Variants in TJP1 observed in about 807,000 individuals in gnomAD.
TJP1 encodes the protein tight junction protein 1.
TJP1 carries 43 observed loss-of-function variants against 194.2 expected under a neutral mutation model. The observed-to-expected ratio is 0.22, with a 90% confidence interval of 0.17 to 0.29. The LOEUF (loss-of-function observed/expected upper bound fraction) is 0.29. TJP1 is among the 10% of genes least tolerant of loss of function. The probability of loss-of-function intolerance (pLI) is 1.00; values close to 1 mark genes in which losing one functional copy is unlikely to be tolerated. For missense variants in TJP1, 1,971 were observed against 2,185.7 expected (o/e 0.90, Z 1.96); for synonymous variants, 801 against 779.0 (o/e 1.03, Z -0.47).
chr15:29,758,308 T>C (rs1299825797), intron 8 of TJP1, among the ~76,000 whole-genome samples: 2 of 151,956 alleles, frequency 1.3e-5, no homozygotes, highest in Non-Finnish European at 2.9e-5. Context: ...TCAGATCAGC[T>C]GAAAGCAAGC....
At chr15:29,739,554 C>T (rs573796734) in intron 10 of TJP1, among the ~76,000 whole-genome samples, 15 of 152,170 alleles carry the variant, frequency 9.9e-5, no homozygotes, top group African/African-American at 3.6e-4. Context: ...TGCCATTCTC[C>T]TGCCTCAGCC....
intron 2 of TJP1, among the ~76,000 whole-genome samples, chr15:29,942,789 T>C (rs1457201736): frequency 6.6e-6 from 1 of 152,172 alleles, no homozygotes; most frequent in African/African-American, 2.4e-5. Context: ...GTATGCTCAG[T>C]GAACTGGGGC....
intron 9 of TJP1, among the ~76,000 whole-genome samples, 156 bp from the exon 10 acceptor site, chr15:29,741,592 G>A (rs1425699207): frequency 6.6e-6 from 1 of 152,124 alleles, no homozygotes; most frequent in African/African-American, 2.4e-5. Flanking sequence ...AAATTCTGAA[G>A]TCTTTATAAC....
intron 2 of TJP1, among the ~76,000 whole-genome samples, chr15:29,843,482 C>T (rs1372309808): frequency 6.6e-6 from 1 of 152,120 alleles, no homozygotes; most frequent in Non-Finnish European, 1.5e-5. Flanking sequence ...AGCCACCGTG[C>T]CCAGCCTACC....
At chr15:29,919,959 G>T (rs1025970909) in intron 2 of TJP1, among the ~76,000 whole-genome samples, 13 of 152,226 alleles carry the variant, frequency 8.5e-5, no homozygotes, top group Non-Finnish European at 1.6e-4. Context: ...CAGAAAGGAT[G>T]CAAGTGGTTG....
At chr15:29,705,281 C>T (rs960931828) in intron 26 of TJP1, among the ~76,000 whole-genome samples, 1 of 152,198 alleles carries the variant, frequency 6.6e-6, no homozygotes, top group Non-Finnish European at 1.5e-5. Flanking sequence ...TGAGACATCC[C>T]GTGGCCTGTC....
intron 2 of TJP1, among the ~76,000 whole-genome samples, chr15:29,907,651 C>G (rs1186267245): frequency 1.3e-5 from 2 of 152,042 alleles, no homozygotes; most frequent in African/African-American, 4.8e-5. Flanking sequence ...TCTAAGAAAC[C>G]TAAGAACATT....
chr15:29,729,278 C>A (rs2043442341), intron 15 of TJP1: 1 of 152,012 alleles, frequency 6.6e-6, no homozygotes, highest in African/African-American at 2.4e-5. Flanking sequence ...CCAACCTGGG[C>A]AACACAGTAA....
At chr15:29,958,237 C>T (rs1172472385) in intron 1 of TJP1, among the ~76,000 whole-genome samples, 1 of 151,136 alleles carries the variant, frequency 6.6e-6, no homozygotes, top group Non-Finnish European at 1.5e-5. Context: ...TAACCATTTC[C>T]TGATTTATCT....
chr15:29,908,125 G>T lies in TJP1; in HGVS notation c.306+48107C>A, dbSNP rs142850887. On this transcript the variant is annotated intron_variant, in intron 2 of 28. Transcript: ENST00000356107. ...AAAGATAAAGAGGGAGGAGACAGGA[G>T]ATAAAAGGTCCAACATGAGAAGAAG... Among the ~76,000 whole-genome samples the T allele has an allele frequency of 1.5e-3, 194 of 128,302 alleles. 4 individuals are homozygous for T. The highest frequency in any genetic ancestry group is 5.4e-3 in the African/African-American group (186 of 34,608). The allele number at this position is 128,302 out of a possible 152,430, so 84.2% of individuals were successfully genotyped here.
intron 15 of TJP1, among the ~76,000 whole-genome samples, chr15:29,731,261 C>T (rs557498785): frequency 2.0e-4 from 31 of 152,208 alleles, no homozygotes; most frequent in Middle Eastern, 6.8e-3. Context: ...GATTCCTTGA[C>T]TTTGACACAC....
intron 4 of TJP1, among the ~76,000 whole-genome samples, chr15:29,771,635 C>T (rs2151630282): frequency 6.6e-6 from 1 of 151,948 alleles, no homozygotes; most frequent in Admixed American, 6.5e-5. Context: ...GAAACCCTGT[C>T]TCTACTAAAA....
chr15:29,800,981 A>T (rs1454705573), intron 1 of TJP1, among the ~76,000 whole-genome samples: 2 of 152,242 alleles, frequency 1.3e-5, no homozygotes, highest in Non-Finnish European at 2.9e-5. Context: ...CTAATTCTGC[A>T]ACTTTATACT....
At chr15:29,804,018 C>G (rs2048959192) in intron 1 of TJP1, among the ~76,000 whole-genome samples, 1 of 151,588 alleles carries the variant, frequency 6.6e-6, no homozygotes, top group South Asian at 2.1e-4. Flanking sequence ...TGTTTTACCA[C>G]TCCTTATCTT....
intron 8 of TJP1, among the ~76,000 whole-genome samples, chr15:29,750,788 A>G (rs1417143307): frequency 1.3e-5 from 2 of 152,226 alleles, no homozygotes; most frequent in Non-Finnish European, 2.9e-5. Flanking sequence ...ATTTATACAT[A>G]CTTTTCACAA....
intron 2 of TJP1, among the ~76,000 whole-genome samples, chr15:29,783,587 CGA>C (rs1491167822): frequency 1.3e-5 from 2 of 152,068 alleles, no homozygotes; most frequent in Non-Finnish European, 2.9e-5. Context: ...TGCCCATCAA[CGA>C]AAGACTAGAT....
intron 1 of TJP1, among the ~76,000 whole-genome samples, chr15:29,963,204 C>A (rs1350341088): frequency 6.6e-6 from 1 of 152,090 alleles, no homozygotes; most frequent in Non-Finnish European, 1.5e-5. Flanking sequence ...AACAGGAGGA[C>A]CTCAGTGATC....
chr15:29,838,959 T>G (rs900193187), intron 2 of TJP1, among the ~76,000 whole-genome samples: 1 of 152,006 alleles, frequency 6.6e-6, no homozygotes, highest in Admixed American at 6.6e-5. Context: ...TCCTTCCTTT[T>G]TATCAGAATA....
chr15:29,949,672 C>T (rs1408366573), intron 2 of TJP1, among the ~76,000 whole-genome samples: 5 of 117,968 alleles, frequency 4.2e-5, no homozygotes, highest in East Asian at 4.4e-4. Flanking sequence ...CCACAACCAC[C>T]ACCTCCACCT....
Sources: gnomAD v4.1 joint callset for allele counts (sites outside exome capture counted in the v4.1 genomes callset) on GRCh38, gnomAD v4.1.1 for gene constraint, MANE v1.5 for transcripts, NCBI Gene and HGNC (gene_info 2026-07-23, HGNC 2026-07-21) for gene names.